Variants in NMBR observed in about 807,000 individuals in gnomAD.
The protein encoded by NMBR is neuromedin-B receptor.
Under a neutral mutation model 20.5 loss-of-function variants are expected in NMBR, and 16 were observed. The observed-to-expected ratio is 0.78, with a 90% CI of 0.53 to 1.19. The LOEUF is 1.19. Among genes scored for constraint, NMBR ranks in the 50% most tolerant of loss-of-function variants. NMBR has a pLI of 0.00. For missense variants in NMBR, 582 were observed against 499.1 expected (o/e 1.17, Z -1.58); for synonymous variants, 212 against 196.6 (o/e 1.08, Z -0.65).
At chr6:142,129,078 C>A (rs1778093760) in intron 1 of NMBR, among the ~76,000 whole-genome samples, 1 of 150,810 alleles carries the variant, frequency 6.6e-6, no homozygotes, top group Non-Finnish European at 1.5e-5. Flanking sequence ...TTATTTTGAT[C>A]CTATTTTGGG....
chr6:142,099,489 A>C (rs1777519768), intron 1 of NMBR, among the ~76,000 whole-genome samples: 1 of 152,114 alleles, frequency 6.6e-6, no homozygotes, highest in Non-Finnish European at 1.5e-5. Flanking sequence ...ATCTTTTGAG[A>C]GCTCACTCAC....
intron 1 of NMBR, among the ~76,000 whole-genome samples, chr6:142,090,819 A>C (rs1467535794): frequency 1.3e-5 from 2 of 151,806 alleles, no homozygotes; most frequent in African/African-American, 2.4e-5. Context: ...CCATTTTAAC[A>C]TATTTTATAT....
At chr6:142,096,967 C>G (rs999460388) in intron 1 of NMBR, among the ~76,000 whole-genome samples, 1 of 151,948 alleles carries the variant, frequency 6.6e-6, no homozygotes, top group African/African-American at 2.4e-5. Flanking sequence ...GGTTTAAAGT[C>G]TGTTTTATCA....
Position 142,127,955 on chromosome 6 carries a change from T to G in NMBR, c.-664+19089A>C, listed in dbSNP as rs180765375. Reference sequence around the variant, plus strand: ...TGCAAACAGAGATAATTTTACTTCTTTTTTTCTGATTTAAATGTTGATATG... The same window carrying G: ...TGCAAACAGAGATAATTTTACTTCTGTTTTTCTGATTTAAATGTTGATATG... On this transcript the variant is annotated intron_variant, in intron 1 of 3. Coordinates refer to ENST00000258042, the MANE Select transcript of NMBR (RefSeq NM_002511.4). Among the ~76,000 whole-genome samples, 32 of 152,168 alleles carry G rather than the reference T, an allele frequency of 2.1e-4. 1 individual carries two copies. In the East Asian group the frequency reaches 5.8e-3, roughly 28 times the overall value.
intron 1 of NMBR, among the ~76,000 whole-genome samples, chr6:142,117,862 A>T (rs1777880170): frequency 6.6e-6 from 1 of 152,018 alleles, no homozygotes. Flanking sequence ...CAACAAAAGT[A>T]TTTACAATTT....
intron 2 of NMBR, among the ~76,000 whole-genome samples, chr6:142,081,858 T>C (rs1405782162): frequency 2.0e-5 from 3 of 152,130 alleles, no homozygotes; most frequent in Non-Finnish European, 2.9e-5. Context: ...CAGGAGGATA[T>C]CCCTAACTGA....
chr6:142,095,229 C>A (rs1349901605), intron 1 of NMBR, among the ~76,000 whole-genome samples: 1 of 152,052 alleles, frequency 6.6e-6, no homozygotes, highest in Non-Finnish European at 1.5e-5. Flanking sequence ...CTGTCTTGTG[C>A]CAGTTTTTAA....
intron 1 of NMBR, among the ~76,000 whole-genome samples, chr6:142,102,117 G>A (rs370378467): frequency 9.9e-5 from 15 of 152,150 alleles, no homozygotes; most frequent in South Asian, 8.3e-4. Context: ...AGCTGGGCGC[G>A]GTGGCTCACG....
chr6:142,134,146 G>T, intron 1 of NMBR: 6 of 495,902 alleles, frequency 1.2e-5, no homozygotes, highest in South Asian at 3.9e-5. Flanking sequence ...TTGTTCCTAA[G>T]GATTATGTTA....
At chr6:142,097,818 T>G (rs1430026358) in intron 1 of NMBR, among the ~76,000 whole-genome samples, 1 of 151,930 alleles carries the variant, frequency 6.6e-6, no homozygotes, top group South Asian at 2.1e-4. Flanking sequence ...TTCCATGTGT[T>G]GAAGAAGGAA....
intron 1 of NMBR, among the ~76,000 whole-genome samples, chr6:142,122,633 G>C (rs1777963966): frequency 6.6e-6 from 1 of 151,882 alleles, no homozygotes; most frequent in Non-Finnish European, 1.5e-5. Context: ...ACTCTTGTTA[G>C]GAGCTAATAC....
At chr6:142,094,888 C>T (rs1278842815) in intron 1 of NMBR, among the ~76,000 whole-genome samples, 1 of 152,048 alleles carries the variant, frequency 6.6e-6, no homozygotes, top group Non-Finnish European at 1.5e-5. Context: ...AGCTGGATTC[C>T]TAGGTATTTT....
intron 1 of NMBR, among the ~76,000 whole-genome samples, chr6:142,120,967 G>T (rs1777935876): frequency 6.6e-6 from 1 of 151,886 alleles, no homozygotes; most frequent in South Asian, 2.1e-4. Context: ...TGTCAACCCT[G>T]CATCCAGCAA....
intron 1 of NMBR, among the ~76,000 whole-genome samples, chr6:142,125,853 TG>T (rs1778026956): frequency 6.6e-6 from 1 of 151,576 alleles, no homozygotes; most frequent in African/African-American, 2.4e-5. Flanking sequence ...TAATTATCTT[TG>T]TGTGTGTGAT....
At chr6:142,105,108 G>A (rs112821853) in intron 1 of NMBR, among the ~76,000 whole-genome samples, 3,595 of 149,892 alleles carry the variant, frequency 0.024, 125 homozygotes, top group African/African-American at 0.086. Flanking sequence ...TAACAAGGGC[G>A]GGGGAATATC....
At chr6:142,106,120 T>C (rs1400526822) in intron 1 of NMBR, among the ~76,000 whole-genome samples, 1 of 152,054 alleles carries the variant, frequency 6.6e-6, no homozygotes, top group Non-Finnish European at 1.5e-5. Flanking sequence ...CCCAGGAAGG[T>C]CAGGACTATG....
chr6:142,074,565 T>TA lies in NMBR; in HGVS notation c.*1082dup, dbSNP rs1005114430. Among the ~76,000 whole-genome samples, 6 of 152,070 alleles carry TA rather than the reference T, an allele frequency of 3.9e-5. No individual in the cohort carries two copies. Among genetic ancestry groups the TA allele is most frequent in the African/African-American group, 1.2e-4 (5 of 41,412 alleles). ...TGTAATCAATACATTTGCATTTTCC[T>TA]AAAAAAAGAAGACATTTGTTCAGAG... On this transcript the variant is annotated 3_prime_UTR_variant, in exon 4 of 4. Coordinates refer to ENST00000258042, the MANE Select transcript of NMBR (RefSeq NM_002511.4).
At chr6:142,093,066 C>T (rs548387851) in intron 1 of NMBR, among the ~76,000 whole-genome samples, 10 of 152,048 alleles carry the variant, frequency 6.6e-5, no homozygotes, top group African/African-American at 2.2e-4. Flanking sequence ...TGGTCTTGCC[C>T]TCAAAGCTTA....
Position 142,090,047 on chromosome 6 carries a change from G to C in NMBR, c.-663-726C>G, listed in dbSNP as rs559433110. 3.7e-4 allele frequency among the ~76,000 whole-genome samples: 57 copies of C among 152,068 alleles called. No homozygotes were observed. In the South Asian group the frequency reaches 6.9e-3, roughly 18 times the overall value. On this transcript the variant is annotated intron_variant, in intron 1 of 3. Transcript: ENST00000258042. ...GCAGAGTATATGTATGCTTATGATT[G>C]AGTAATGCCACTCGTAGATATATAT...
Sources: allele counts gnomAD v4.1 joint callset (sites outside exome capture counted in the v4.1 genomes callset), GRCh38; gene constraint gnomAD v4.1.1; transcripts MANE v1.5; gene names NCBI Gene and HGNC (gene_info 2026-07-23, HGNC 2026-07-21).